DGKH: variants seen among roughly 807,000 people sequenced by gnomAD.
DGKH encodes the protein diacylglycerol kinase eta, also known as DAG kinase eta.
DGKH carries 90 observed loss-of-function variants against 159.3 expected under a neutral mutation model. The ratio of observed to expected loss-of-function variants is 0.57; its 90% confidence interval spans 0.48 to 0.67. The LOEUF (loss-of-function observed/expected upper bound fraction) is 0.67. DGKH is among the 30% of genes least tolerant of loss of function. The pLI is 0.00. For missense variants in DGKH, 1,181 were observed against 1,506.1 expected, an observed-to-expected ratio of 0.78 and a Z score of 3.57; for synonymous variants, 536 against 553.8, an observed-to-expected ratio of 0.97 and a Z score of 0.45.
chr13:42,175,283 G>A (rs2138047954), intron 12 of DGKH, among the ~76,000 whole-genome samples: 1 of 152,100 alleles, frequency 6.6e-6, no homozygotes, highest in East Asian at 1.9e-4. Flanking sequence ...AGCCAAAACT[G>A]CTTCTAAAAA....
Position 42,240,725 on chromosome 13 carries a change from C to T in DGKH, c.*11537C>T, listed in dbSNP as rs1958499424. 6.6e-6 allele frequency: 1 copy of T among 152,154 alleles called. No individual in the cohort carries two copies. The highest frequency in any genetic ancestry group is 2.4e-5 in the African/African-American group (1 of 41,430). The allele number at this position is 152,154 out of a possible 1,614,324, so 9.4% of individuals were successfully genotyped here. A position where few individuals can be genotyped will look rare whatever the true frequency, so the allele number is the denominator to read the frequency against. ...AAAAATAAAAACTATTACCTCTGGGCCTGTTTTTCTTTGGGATTAGATAAA... is the reference window on the plus strand; with the variant it reads ...AAAAATAAAAACTATTACCTCTGGGTCTGTTTTTCTTTGGGATTAGATAAA... On this transcript the variant is annotated 3_prime_UTR_variant, in exon 30 of 30. Transcript: ENST00000337343.
At chr13:42,058,191 A>G (rs913953763) in intron 1 of DGKH, among the ~76,000 whole-genome samples, 8 of 152,220 alleles carry the variant, frequency 5.3e-5, no homozygotes, top group African/African-American at 1.7e-4. Flanking sequence ...TATATGTAGT[A>G]AGTCCTCACT....
chr13:42,222,528 A>G (rs1958005631), intron 29 of DGKH, among the ~76,000 whole-genome samples: 1 of 152,216 alleles, frequency 6.6e-6, no homozygotes, highest in Non-Finnish European at 1.5e-5. Flanking sequence ...GGAACATAGC[A>G]AAATATGTAG....
At chr13:42,129,190 T>C (rs140682863) in intron 2 of DGKH, among the ~76,000 whole-genome samples, 2 of 152,340 alleles carry the variant, frequency 1.3e-5, no homozygotes, top group South Asian at 2.1e-4. Context: ...AACAATGATA[T>C]TGCCTCTGCC....
At position 42,059,295 on chromosome 13, in the gene DGKH, G is replaced by A. The variant is rs562975127; in HGVS notation, c.192+10330G>A. On this transcript the variant is annotated intron_variant, in intron 1 of 29. Transcript: ENST00000337343. The stretch of plus-strand genomic sequence containing the variant: ...GACGGAGTCTCGCTCTGTTGCCCAG[G>A]CTGGAGTGCAGTGGCATGATCTCAG... Among the ~76,000 whole-genome samples the A allele has an allele frequency of 1.2e-3, 176 of 151,812 alleles. 2 individuals carry two copies. The highest frequency in any genetic ancestry group is 4.1e-3 in the African/African-American group (169 of 41,368).
At position 42,235,331 on chromosome 13, in the gene DGKH, A is replaced by G. The variant is rs1428848155; in HGVS notation, c.*6143A>G. 1.3e-5 allele frequency: 2 copies of G among 152,200 alleles called. No homozygotes were observed. The allele number at this position is 152,200 out of a possible 1,614,324, so 9.4% of individuals were successfully genotyped here. A position where few individuals can be genotyped will look rare whatever the true frequency, so the allele number is the denominator to read the frequency against. ...CTACTTAAAAGTTATTAAAAACTTC[A>G]CATAAAATATTTCATTTTAGCTACA... On this transcript the variant is annotated 3_prime_UTR_variant, in exon 30 of 30. Transcript: ENST00000337343.
Position 42,155,682 on chromosome 13 carries a change from G to T in DGKH, c.505G>T (p.Val169Leu). 6.2e-7 allele frequency: 1 copy of T among 1,614,152 alleles called. No homozygotes were observed. Among genetic ancestry groups the T allele is most frequent in the Non-Finnish European group, 8.5e-7 (1 of 1,180,018 alleles). Residue 169 changes from valine (V) to leucine (L), a missense_variant, in exon 5 of 30, where the codon GTG becomes TTG. By Grantham distance (32) the Val-to-Leu change is conservative (BLOSUM62 1). Around this residue, in one of 5 missense-constraint regions of DGKH, gnomAD observed 369 missense variants for 519.4 expected, o/e 0.71. Transcript: ENST00000337343. ...REPYEVAQFN[V>L]EHFSGMHNWY... ...TCATTTCTAGGTGGCCCAGTTTAAT[G>T]TGGAACATTTCTCAGGGATGCACAA...
Position 42,238,867 on chromosome 13 carries a change from G to A in DGKH, c.*9679G>A, listed in dbSNP as rs768253536. The A allele has an allele frequency of 5.9e-5, 9 of 152,030 alleles. No individual in the cohort carries two copies. Among genetic ancestry groups the A allele is most frequent in the African/African-American group, 1.2e-4 (5 of 41,412 alleles). 9.4% of individuals were successfully genotyped at this position (152,030 alleles called of 1,614,324 possible). A position where few individuals can be genotyped will look rare whatever the true frequency, so the allele number is the denominator to read the frequency against. ...TGACATTTGAATTCTGTCACTATCT[G>A]ATTCTTGACCTAAAGGTTTCTTTGC... On this transcript the variant is annotated 3_prime_UTR_variant, in exon 30 of 30. Transcript: ENST00000337343.
At chr13:42,189,653 C>G (rs1957016009) in intron 15 of DGKH, among the ~76,000 whole-genome samples, 1 of 152,004 alleles carries the variant, frequency 6.6e-6, no homozygotes, top group Non-Finnish European at 1.5e-5. Flanking sequence ...AACCTATAAA[C>G]TACTTTGAAA....
chr13:42,086,288 T>A (rs1205716150), intron 1 of DGKH, among the ~76,000 whole-genome samples: 2 of 152,218 alleles, frequency 1.3e-5, no homozygotes, highest in Non-Finnish European at 2.9e-5. Context: ...CCTTGTTGCC[T>A]AAAGTGTTGC....
chr13:42,199,178 G>A (rs910575611), intron 18 of DGKH, among the ~76,000 whole-genome samples: 1 of 152,176 alleles, frequency 6.6e-6, no homozygotes, highest in African/African-American at 2.4e-5. Context: ...CCATTGTTAA[G>A]TGTAGAAATG....
chr13:42,147,649 T>A (rs1369957212), intron 3 of DGKH, among the ~76,000 whole-genome samples: 1 of 152,208 alleles, frequency 6.6e-6, no homozygotes, highest in Non-Finnish European at 1.5e-5. Context: ...TGGTAAAACA[T>A]TTAATGTGTC....
At chr13:42,154,028 G>A (rs886411378) in intron 3 of DGKH, 1 of 152,184 alleles carries the variant, frequency 6.6e-6, no homozygotes, top group Non-Finnish European at 1.5e-5. Context: ...AGACTGGATT[G>A]ATCTCTGTTG....
At chr13:42,120,668 A>C (rs9594678) in intron 1 of DGKH, among the ~76,000 whole-genome samples, 20,473 of 152,230 alleles carry the variant, frequency 0.13, 1,575 homozygotes, top group South Asian at 0.18. Context: ...AAAAAACAAC[A>C]ACCAAAAAAC....
chr13:42,201,142 G>A (rs902056823), intron 20 of DGKH, among the ~76,000 whole-genome samples: 2 of 151,860 alleles, frequency 1.3e-5, no homozygotes, highest in African/African-American at 2.4e-5. Context: ...ACAGGTGCAC[G>A]CCACCACGCC....
intron 5 of DGKH, 91 bp downstream of exon 5, chr13:42,155,890 C>G: frequency 6.8e-7 from 1 of 1,479,698 alleles, no homozygotes; most frequent in Non-Finnish European, 9.2e-7. Flanking sequence ...AAATTGAGCT[C>G]TCCACACATA....
At chr13:42,063,891 A>T (rs1267075303) in intron 1 of DGKH, among the ~76,000 whole-genome samples, 1 of 151,746 alleles carries the variant, frequency 6.6e-6, no homozygotes, top group Non-Finnish European at 1.5e-5. Context: ...GTGAGCTGAG[A>T]TCGCACCATT....
chr13:42,185,653 C>T (rs879945375), intron 13 of DGKH, among the ~76,000 whole-genome samples: 3 of 152,022 alleles, frequency 2.0e-5, no homozygotes, highest in Admixed American at 2.0e-4. Flanking sequence ...CTTAAAGTAG[C>T]GCATTTTACA....
intron 2 of DGKH, 30 bp downstream of exon 2, chr13:42,127,603 A>T (rs670676): frequency 0.79 from 1,266,776 of 1,596,700 alleles, 506,048 homozygotes; most frequent in African/African-American, 0.88. Context: ...GTTTCAAGCA[A>T]TTGAGGCTAT....
Sources: allele counts gnomAD v4.1 joint callset (sites outside exome capture counted in the v4.1 genomes callset), GRCh38; gene constraint gnomAD v4.1.1; regional missense constraint gnomAD v4.1.1; transcripts MANE v1.5; gene names NCBI Gene and HGNC (gene_info 2026-07-23, HGNC 2026-07-21).